Variants in DCX observed in about 807,000 individuals in gnomAD.
DCX encodes the protein neuronal migration protein doublecortin.
DCX carries 4 observed loss-of-function variants against 20.9 expected under a neutral mutation model. The observed-to-expected ratio is 0.19, with a 90% CI of 0.09 to 0.44. The LOEUF (loss-of-function observed/expected upper bound fraction) is 0.44, where lower values mean the gene tolerates loss of function less well. Among genes scored for constraint, DCX ranks in the 20% least tolerant of loss-of-function variants. The pLI, the probability that DCX is intolerant of heterozygous loss-of-function variation, is 0.99. For missense variants in DCX, 133 were observed against 296.9 expected (o/e 0.45, Z 4.06); for synonymous variants, 103 against 111.4 (o/e 0.92, Z 0.47).
chrX:111,367,667 T>C (rs1040523946), intron 3 of DCX, among the ~76,000 whole-genome samples: 1 of 111,766 alleles, frequency 8.9e-6, no homozygotes, highest in Non-Finnish European at 1.9e-5. Flanking sequence ...TGACAAATTA[T>C]AAGCAATGTG....
intron 3 of DCX, among the ~76,000 whole-genome samples, chrX:111,335,073 T>C (rs1397324357): frequency 9.0e-6 from 1 of 111,725 alleles, no homozygotes; most frequent in African/African-American, 3.3e-5. Flanking sequence ...ATCTCTGAAC[T>C]ATTTACCTGC....
intron 3 of DCX, among the ~76,000 whole-genome samples, chrX:111,369,993 AAAAT>A (rs1188596061): frequency 9.0e-6 from 1 of 111,703 alleles, no homozygotes; most frequent in East Asian, 2.8e-4. Context: ...CAGGGATGTG[AAAAT>A]AAATAAGACC....
intron 3 of DCX, among the ~76,000 whole-genome samples, chrX:111,393,826 C>T (rs1927126067): frequency 9.2e-6 from 1 of 109,259 alleles, no homozygotes; most frequent in South Asian, 3.9e-4. Flanking sequence ...TAGGATGGAG[C>T]TAATAAAAAA....
chrX:111,363,916 T>A (rs1924407302), intron 3 of DCX, among the ~76,000 whole-genome samples: 1 of 111,871 alleles, frequency 8.9e-6, no homozygotes, highest in African/African-American at 3.3e-5. Flanking sequence ...ACCATCAGGT[T>A]CACACGCTGC....
chrX:111,398,022 G>A (rs1927471145), intron 3 of DCX, among the ~76,000 whole-genome samples: 1 of 110,618 alleles, frequency 9.0e-6, no homozygotes, highest in African/African-American at 3.3e-5. Context: ...AACCTTATTT[G>A]CCCACAGAAT....
In DCX at chrX:111,317,431, C is replaced by T. The variant is rs141718054; in HGVS notation, c.947-4695G>A. ...ACCATATACAAAAATTAACTCAAGGCGGATCAAAGACTTAAATGAAAAACC... is the reference window on the plus strand; with the variant it reads ...ACCATATACAAAAATTAACTCAAGGTGGATCAAAGACTTAAATGAAAAACC... On this transcript the variant is annotated intron_variant, in intron 5 of 6. Transcript: ENST00000636035. Among the ~76,000 whole-genome samples, 891 of 110,043 alleles carry T rather than the reference C, an allele frequency of 8.1e-3. 2 individuals carry two copies. Among genetic ancestry groups the T allele is most frequent in the African/African-American group, 0.027 (822 of 30,221 alleles).
At chrX:111,312,241 T>A (rs1230130303) in intron 6 of DCX, among the ~76,000 whole-genome samples, 1 of 111,571 alleles carries the variant, frequency 9.0e-6, no homozygotes, top group Non-Finnish European at 1.9e-5. Flanking sequence ...CAGTGCAACT[T>A]TTTGGGACTG....
intron 3 of DCX, among the ~76,000 whole-genome samples, chrX:111,376,495 T>C (rs1925545600): frequency 1.8e-5 from 2 of 112,017 alleles, no homozygotes; most frequent in South Asian, 7.4e-4. Flanking sequence ...ATGAGGAGAA[T>C]ATGCCATTTC....
chrX:111,388,013 T>C (rs1397349905), intron 3 of DCX, among the ~76,000 whole-genome samples: 1 of 111,882 alleles, frequency 8.9e-6, no homozygotes, highest in Admixed American at 9.5e-5. Flanking sequence ...CTCTGCAGCA[T>C]GGTGTGGTGA....
At chrX:111,380,913 G>A (rs1235411783) in intron 3 of DCX, among the ~76,000 whole-genome samples, 1 of 110,282 alleles carries the variant, frequency 9.1e-6, no homozygotes, top group Non-Finnish European at 1.9e-5. Context: ...TAACATCTGT[G>A]ATTTAGGTAA....
At chrX:111,388,039 G>C (rs1799920954) in intron 3 of DCX, among the ~76,000 whole-genome samples, 1 of 111,974 alleles carries the variant, frequency 8.9e-6, no homozygotes, top group South Asian at 3.7e-4. Flanking sequence ...AGGAGTGCTT[G>C]TTTGTATAGG....
chrX:111,297,547 C>T lies in DCX; in HGVS notation c.*4140G>A, dbSNP rs2095024193. ...AAAGAAGAATCTCAGGGTTCCTTGCCTTCTTCAAATAGCTACACATCCACT... is the reference window on the plus strand; with the variant it reads ...AAAGAAGAATCTCAGGGTTCCTTGCTTTCTTCAAATAGCTACACATCCACT... On this transcript the variant is annotated 3_prime_UTR_variant, in exon 7 of 7. Coordinates refer to ENST00000636035, the MANE Select transcript of DCX (RefSeq NM_001195553.2). 8.9e-6 allele frequency: 1 copy of T among 111,862 alleles called. No individual in the cohort carries two copies. Among genetic ancestry groups the T allele is most frequent in the Non-Finnish European group, 1.9e-5 (1 of 53,139 alleles). 9.2% of individuals were successfully genotyped at this position (111,862 alleles called of 1,213,427 possible). A position where few individuals can be genotyped will look rare whatever the true frequency, so the allele number is the denominator to read the frequency against.
chrX:111,380,776 C>A (rs1419468777), intron 3 of DCX, among the ~76,000 whole-genome samples: 1 of 110,905 alleles, frequency 9.0e-6, no homozygotes, highest in Non-Finnish European at 1.9e-5. Flanking sequence ...ATTATAAATT[C>A]TCTTTTGAAC....
chrX:111,330,852 A>G, intron 5 of DCX, 52 bp downstream of exon 5: 1 of 1,203,541 alleles, frequency 8.3e-7, no homozygotes, highest in Non-Finnish European at 1.1e-6. Context: ...TGCAGAAAGT[A>G]TTGTCCTCCA....
At chrX:111,346,287 T>C (rs970155490) in intron 3 of DCX, among the ~76,000 whole-genome samples, 3 of 111,868 alleles carry the variant, frequency 2.7e-5, no homozygotes, top group African/African-American at 9.7e-5. Context: ...ATCTGGAATG[T>C]TTCATAGACT....
chrX:111,334,689 A>G (rs759984589), intron 3 of DCX, among the ~76,000 whole-genome samples: 1 of 112,364 alleles, frequency 8.9e-6, no homozygotes, highest in Admixed American at 9.4e-5. Context: ...CTGTCCTTTT[A>G]ACCACTTGGC....
At chrX:111,369,364 T>C (rs1414959261) in intron 3 of DCX, among the ~76,000 whole-genome samples, 2 of 111,690 alleles carry the variant, frequency 1.8e-5, no homozygotes, top group Non-Finnish European at 3.8e-5. Flanking sequence ...TACAATTCCA[T>C]GGATTTTAGT....
At position 111,411,439 on chromosome X, in the gene DCX, TATATTGCCCAGGTGCA is replaced by T. The variant is rs1487977105; in HGVS notation, c.-23+683_-23+698del. ...CAGCAGGCAATTCACCCCAAACTTG[TATATTGCCCAGGTGCA>T]TTAGCTGAGAAAAGATGGTCATTTG... On this transcript the variant is annotated intron_variant, in intron 1 of 6. Transcript: ENST00000636035. 3.6e-5 allele frequency among the ~76,000 whole-genome samples: 4 copies of T among 110,273 alleles called. No individual in the cohort carries two copies. In the Admixed American group the frequency reaches 3.9e-4, roughly 11 times the overall value.
chrX:111,320,245 G>A (rs958350761), intron 5 of DCX, among the ~76,000 whole-genome samples: 1 of 112,002 alleles, frequency 8.9e-6, no homozygotes, highest in African/African-American at 3.2e-5. Flanking sequence ...ATGTATTCAA[G>A]TGCACACTTT....
Sources: gnomAD v4.1 joint callset for allele counts (sites outside exome capture counted in the v4.1 genomes callset) on GRCh38, gnomAD v4.1.1 for gene constraint, MANE v1.5 for transcripts, NCBI Gene and HGNC (gene_info 2026-07-23, HGNC 2026-07-21) for gene names.